SAMD15: variants seen among roughly 807,000 people sequenced by gnomAD.
SAMD15 encodes the protein sterile alpha motif domain-containing protein 15.
In SAMD15, 37 loss-of-function variants were observed where a neutral mutation model predicts 50.5. That is an observed-to-expected ratio of 0.73 (90% CI 0.56 to 0.96). SAMD15 has a LOEUF of 0.96. Among genes scored for constraint, SAMD15 ranks in the 40% least tolerant of loss-of-function variants. SAMD15 has a pLI of 0.00. For synonymous variants in SAMD15, 255 were observed against 282.8 expected, an observed-to-expected ratio of 0.90 and a Z score of 0.99; for missense variants, 789 against 783.8, an observed-to-expected ratio of 1.01 and a Z score of -0.08.
At chr14:77,384,635 C>T (rs4903580) in intron 2 of SAMD15, among the ~76,000 whole-genome samples, 81,700 of 151,774 alleles carry the variant, frequency 0.54, 24,095 homozygotes, top group African/African-American at 0.78. Context: ...TAAGTTGCTT[C>T]GGACTCATCT....
chr14:77,378,391 G>C lies in SAMD15; in HGVS notation c.973G>C (p.Val325Leu). Reference sequence around the variant, plus strand: ...GCCAAGAAAGTCTACTGATGAGAACGTTCCTGAGCCACTAGAAGAGATCAA... The same window carrying C: ...GCCAAGAAAGTCTACTGATGAGAACCTTCCTGAGCCACTAGAAGAGATCAA... ...HKPRKSTDEN[V>L]PEPLEEIKLE... is the part of the protein sequence containing the mutation. The change falls in exon 1 of 3, where the codon GTT (valine) becomes CTT (leucine). Residue 325 changes from valine (V) to leucine (L), a missense_variant. Transcript: ENST00000216471. 1 of 1,613,948 alleles carries C rather than the reference G, an allele frequency of 6.2e-7. No individual in the cohort carries two copies. The highest frequency in any genetic ancestry group is 8.5e-7 in the Non-Finnish European group (1 of 1,179,996).
intron 2 of SAMD15, among the ~76,000 whole-genome samples, chr14:77,387,820 G>T (rs1312271010): frequency 6.6e-6 from 1 of 152,112 alleles, no homozygotes; most frequent in Non-Finnish European, 1.5e-5. Context: ...GGAGGCTGAG[G>T]TAGGAGGATC....
At chr14:77,386,167 C>A (rs920214211) in intron 2 of SAMD15, among the ~76,000 whole-genome samples, 5 of 151,950 alleles carry the variant, frequency 3.3e-5, no homozygotes, top group African/African-American at 4.8e-5. Context: ...CTCTTCCTGG[C>A]TTTTTAAAAG....
chr14:77,379,479 A>G (rs926040017), intron 1 of SAMD15, among the ~76,000 whole-genome samples: 12 of 151,054 alleles, frequency 7.9e-5, no homozygotes. Context: ...CACCTTCCCC[A>G]GGTTCACGCC....
In SAMD15 at chr14:77,378,833, T is replaced by G; in HGVS notation, c.1415T>G (p.Ile472Ser). ...TCTCTCAGAGAAAGTGAAGAATCAA[T>G]TGGTACACATTATGAGTTTTTGCAA... is the stretch of plus-strand genomic sequence containing the variant. ...LGSLRESEES[I>S]GTHYEFLQPL... The change falls in exon 1 of 3, where the codon ATT becomes AGT. Residue 472 changes from isoleucine (I) to serine (S), a missense_variant. Ile to Ser is a moderately radical substitution (Grantham distance 142, BLOSUM62 -2). Transcript: ENST00000216471. 1.2e-6 allele frequency: 2 copies of G among 1,613,914 alleles called. No homozygotes were observed. Among genetic ancestry groups the G allele is most frequent in the Non-Finnish European group, 1.7e-6 (2 of 1,179,958 alleles).
In SAMD15 at chr14:77,377,934, G is replaced by T. The variant is rs187573066; in HGVS notation, c.516G>T (p.Ser172=). ...CAACGGAAACCATGTCTGAGGTTTC[G>T]GGGGCCACAGTCAGAGAGAGAAATT... ...VPPTETMSEV[S]GATVRERNLE... The change falls in exon 1 of 3, where the codon TCG becomes TCT. Residue 172 remains serine (S), a synonymous_variant. Transcript: ENST00000216471. 1 of 1,613,720 alleles carries T rather than the reference G, an allele frequency of 6.2e-7. No homozygotes were observed. Among genetic ancestry groups the T allele is most frequent in the Admixed American group, 1.7e-5 (1 of 60,004 alleles).
Position 77,378,552 on chromosome 14 carries a change from G to T in SAMD15, c.1134G>T (p.Glu378Asp). Residue 378 changes from glutamate to aspartate, a missense_variant, in exon 1 of 3, where the codon GAG becomes GAT. Physicochemically the swap from Glu to Asp is conservative, Grantham distance 45 (BLOSUM62 2). Coordinates refer to ENST00000216471, the MANE Select transcript of SAMD15 (RefSeq NM_001010860.4). ...NEKKNPQPPEETGPVLPQEIN... is the reference protein window; with the variant it reads ...NEKKNPQPPEDTGPVLPQEIN... ...AAAAAAATCCACAGCCACCAGAGGA[G>T]ACTGGTCCAGTGCTACCACAGGAGA... is the stretch of plus-strand genomic sequence containing the variant. 2.5e-6 allele frequency: 4 copies of T among 1,613,390 alleles called. No homozygotes were observed. Among genetic ancestry groups the T allele is most frequent in the East Asian group, 4.5e-5 (2 of 44,886 alleles).
Position 77,378,911 on chromosome 14 carries a change from CAG to C in SAMD15, c.1496_1497del (p.Glu499ValfsTer7), listed in dbSNP as rs1250983205. The C allele has an allele frequency of 4.3e-6, 7 of 1,613,896 alleles. No homozygotes were observed. The African/African-American group carries it at 5.3e-5, about 12-fold the overall frequency. On this transcript the variant is annotated frameshift_variant, in exon 1 of 3. Coordinates refer to ENST00000216471, the MANE Select transcript of SAMD15 (RefSeq NM_001010860.4). LOFTEE classifies it high-confidence loss of function. ...GAAGAATGCTCATACTCAGATCCCT[CAG>C]AGTCTCAGACAGAATTAAGTGAGTT...
rs1167205042 is a variant in SAMD15 at position 77,391,324 on chromosome 14, T to G, written c.*80T>G. ...GGTATGGTCTTTTTTGGTTTTCTTT[T>G]TCTCCTTTTTTTTTTTTTTATTTTT... On this transcript the variant is annotated 3_prime_UTR_variant, in exon 3 of 3. Coordinates refer to ENST00000216471, the MANE Select transcript of SAMD15 (RefSeq NM_001010860.4). 4 of 967,730 alleles carry G rather than the reference T, an allele frequency of 4.1e-6. No homozygotes were observed. Among genetic ancestry groups the G allele is most frequent in the Non-Finnish European group, 4.7e-6 (3 of 641,420 alleles). The allele number at this position is 967,730 out of a possible 1,614,324, so 59.9% of individuals were successfully genotyped here.
At chr14:77,389,241 T>G (rs1894043281) in intron 2 of SAMD15, among the ~76,000 whole-genome samples, 1 of 152,170 alleles carries the variant, frequency 6.6e-6, no homozygotes, top group Admixed American at 6.6e-5. Flanking sequence ...CTTGCCTATC[T>G]AAAAGGCATT....
In SAMD15 at chr14:77,378,581, A is replaced by C; in HGVS notation, c.1163A>C (p.Asn388Thr). The C allele has an allele frequency of 1.2e-6, 2 of 1,613,552 alleles. No homozygotes were observed. The highest frequency in any genetic ancestry group is 1.7e-6 in the Non-Finnish European group (2 of 1,179,940). The change falls in exon 1 of 3, where the codon AAC becomes ACC. Residue 388 changes from asparagine (N) to threonine (T), a missense_variant. Around this residue, in one of 2 missense-constraint regions of SAMD15, gnomAD observed 770 missense variants for 745.4 expected, o/e 1.03. Coordinates refer to ENST00000216471, the MANE Select transcript of SAMD15 (RefSeq NM_001010860.4). Reference sequence around the variant, plus strand: ...GGTCCAGTGCTACCACAGGAGATCAACCCACAAGTTGAAGAGAAAACACAA... The same window carrying C: ...GGTCCAGTGCTACCACAGGAGATCACCCCACAAGTTGAAGAGAAAACACAA... ...ETGPVLPQEI[N>T]PQVEEKTQTK...
Position 77,391,335 on chromosome 14 carries a change from T to A in SAMD15, c.*91T>A. 1 of 812,730 alleles carries A rather than the reference T, an allele frequency of 1.2e-6. No homozygotes were observed. The highest frequency in any genetic ancestry group is 2.0e-6 in the Non-Finnish European group (1 of 511,768). 50.3% of individuals were successfully genotyped at this position (812,730 alleles called of 1,614,324 possible). ...TTTTGGTTTTCTTTTTCTCCTTTTT[T>A]TTTTTTTTATTTTTTTGAGACAGAG... is the stretch of plus-strand genomic sequence containing the variant. On this transcript the variant is annotated 3_prime_UTR_variant, in exon 3 of 3. Coordinates refer to ENST00000216471, the MANE Select transcript of SAMD15 (RefSeq NM_001010860.4).
intron 1 of SAMD15, among the ~76,000 whole-genome samples, 165 bp from the exon 2 acceptor site, chr14:77,380,218 G>A (rs532785696): frequency 5.9e-5 from 9 of 152,242 alleles, no homozygotes; most frequent in South Asian, 2.1e-4. Context: ...CTGCACTCCC[G>A]CCTGGATGAC....
rs144556765 is a variant in SAMD15, at chr14:77,385,431, G to A, written c.1788+4950G>A. Among the ~76,000 whole-genome samples the A allele has an allele frequency of 7.9e-3, 1,189 of 151,202 alleles. 13 individuals carry two copies. The highest frequency in any genetic ancestry group is 0.028 in the African/African-American group (1,144 of 41,036). ...CTCCCGAGTAGCTGGGATTACAGGCGCCCACCACTGTACCTGGCCAATTTT... is the reference window on the plus strand; with the variant it reads ...CTCCCGAGTAGCTGGGATTACAGGCACCCACCACTGTACCTGGCCAATTTT... On this transcript the variant is annotated intron_variant, in intron 2 of 2. Coordinates refer to ENST00000216471, the MANE Select transcript of SAMD15 (RefSeq NM_001010860.4).
chr14:77,377,615 A>G lies in SAMD15; in HGVS notation c.197A>G (p.Glu66Gly). Residue 66 changes from glutamate (E) to glycine (G), a missense_variant, in exon 1 of 3, where the codon GAG becomes GGG. This residue lies in a region of SAMD15 where 770 missense variants were observed against 745.4 expected (regional missense o/e 1.03). Coordinates refer to ENST00000216471, the MANE Select transcript of SAMD15 (RefSeq NM_001010860.4). ...QPETEEEDFK[E>G]GEPDSAKNVQ... ...GAGACCGAGGAAGAGGACTTCAAAG[A>G]GGGGGAGCCAGACAGTGCTAAGAAC... 6.2e-7 allele frequency: 1 copy of G among 1,614,124 alleles called. No homozygotes were observed. Among genetic ancestry groups the G allele is most frequent in the Middle Eastern group, 1.6e-4 (1 of 6,062 alleles).
intron 2 of SAMD15, among the ~76,000 whole-genome samples, chr14:77,388,382 C>CGTGTGTGT (rs376913427): frequency 0.012 from 1,635 of 133,146 alleles, 17 homozygotes; most frequent in African/African-American, 0.022. Flanking sequence ...GCCACCTGTT[C>CGTGTGTGT]GTGTGTGTGT....
chr14:77,390,996 C>G lies in SAMD15; in HGVS notation c.1789-12C>G, dbSNP rs753965663. 2.6e-6 allele frequency: 4 copies of G among 1,555,774 alleles called. No homozygotes were observed. Among genetic ancestry groups the G allele is most frequent in the Admixed American group, 1.8e-5 (1 of 56,302 alleles). ...AGGTTAGTCTAATTAAAAATTTATCCTTGCGTTTCAGGCAATTTCTCGGCA... is the reference window on the plus strand; with the variant it reads ...AGGTTAGTCTAATTAAAAATTTATCGTTGCGTTTCAGGCAATTTCTCGGCA... On this transcript the variant is annotated splice_polypyrimidine_tract_variant and intron_variant, in intron 2 of 2. Coordinates refer to ENST00000216471, the MANE Select transcript of SAMD15 (RefSeq NM_001010860.4).
At chr14:77,382,325 G>C (rs942188882) in intron 2 of SAMD15, among the ~76,000 whole-genome samples, 1 of 151,956 alleles carries the variant, frequency 6.6e-6, no homozygotes, top group African/African-American at 2.4e-5. Flanking sequence ...GGGTTTCACC[G>C]TGTTAGCCAG....
intron 1 of SAMD15, 42 bp from the exon 2 acceptor site, chr14:77,380,341 T>G: frequency 8.3e-7 from 1 of 1,208,362 alleles, no homozygotes; most frequent in Non-Finnish European, 1.2e-6. Context: ...TTCCTTCTAT[T>G]TGCAGTACAT....
Sources: gnomAD v4.1 joint callset for allele counts (sites outside exome capture counted in the v4.1 genomes callset) on GRCh38, gnomAD v4.1.1 for gene constraint, gnomAD v4.1.1 regional missense constraint, MANE v1.5 for transcripts, NCBI Gene and HGNC (gene_info 2026-07-23, HGNC 2026-07-21) for gene names.